TRIM65: variants seen among roughly 807,000 people sequenced by gnomAD.
TRIM65 encodes the protein E3 ubiquitin-protein ligase TRIM65.
TRIM65 carries 46 observed loss-of-function variants against 36.1 expected under a neutral mutation model. The observed-to-expected ratio is 1.27, with a 90% CI of 1.01 to 1.63. The LOEUF (loss-of-function observed/expected upper bound fraction) is 1.63, where lower values mean the gene tolerates loss of function less well. Among genes scored for constraint, TRIM65 ranks in the 40% most tolerant of loss-of-function variants. TRIM65 has a pLI of 0.00. For synonymous variants in TRIM65, 346 were observed against 313.6 expected (o/e 1.10, Z -1.09); for missense variants, 708 against 696.6 (o/e 1.02, Z -0.18).
At position 75,890,722 on chromosome 17, in the gene TRIM65, G is replaced by T; in HGVS notation, c.*57C>A. The T allele has an allele frequency of 7.2e-7, 1 of 1,386,700 alleles. No homozygotes were observed. The highest frequency in any genetic ancestry group is 9.5e-7 in the Non-Finnish European group (1 of 1,055,898). The allele number at this position is 1,386,700 out of a possible 1,614,324, so 85.9% of individuals were successfully genotyped here. On this transcript the variant is annotated 3_prime_UTR_variant, in exon 6 of 6. Transcript: ENST00000269383. Reference sequence around the variant, plus strand: ...CCAGTCCCCAAGCTGAAGCTGGGCAGCTCTTGGGCACATAGGCATGGTGGC... The same window carrying T: ...CCAGTCCCCAAGCTGAAGCTGGGCATCTCTTGGGCACATAGGCATGGTGGC...
At chr17:75,893,886 C>T (rs1023764217) in intron 1 of TRIM65, among the ~76,000 whole-genome samples, 2 of 152,110 alleles carry the variant, frequency 1.3e-5, no homozygotes, top group African/African-American at 2.4e-5. Flanking sequence ...ACATGGCCCT[C>T]ATCTACCGGC....
chr17:75,891,739 G>A, intron 5 of TRIM65, 74 bp downstream of exon 5: 3 of 1,003,980 alleles, frequency 3.0e-6, no homozygotes, highest in East Asian at 3.3e-5. Flanking sequence ...ACACACACAC[G>A]TGCTCACAGC....
intron 1 of TRIM65, among the ~76,000 whole-genome samples, chr17:75,894,198 C>G (rs2065313091): frequency 6.6e-6 from 1 of 152,136 alleles, no homozygotes; most frequent in African/African-American, 2.4e-5. Context: ...CGTGCACTCT[C>G]CCATCCCTCC....
chr17:75,886,757 G>T (rs1480806532), downstream of TRIM65, among the ~76,000 whole-genome samples: 1 of 152,032 alleles, frequency 6.6e-6, no homozygotes, highest in East Asian at 1.9e-4. Context: ...AATCTGTAAG[G>T]GGGTCTGGTG....
chr17:75,881,797 G>A (rs1324585620), intron 4 of TRIM65, among the ~76,000 whole-genome samples: 3 of 150,640 alleles, frequency 2.0e-5, no homozygotes, highest in South Asian at 2.1e-4. Context: ...GGACTCAGGC[G>A]GGCAGAGACT....
rs1415543840 is a variant in TRIM65, at chr17:75,896,786, C to G, written c.152G>C (p.Arg51Pro). ...CTCGGCGCCGTCGGGAAAGGGCTCC[C>G]GGCACTCGGGGCACGCCTTTCCGCA... ...DRCGKACPEC[R>P]EPFPDGAELR... Residue 51 changes from arginine to proline, a missense_variant, in exon 1 of 6, where the codon CGG (arginine) becomes CCG (proline). By Grantham distance (103) the Arg-to-Pro change is moderately radical. Coordinates refer to ENST00000269383, the MANE Select transcript of TRIM65 (RefSeq NM_173547.4). 10 of 1,502,198 alleles carry G rather than the reference C, an allele frequency of 6.7e-6. No homozygotes were observed. The highest frequency in any genetic ancestry group is 8.9e-6 in the Non-Finnish European group (10 of 1,129,402). 93.1% of individuals were successfully genotyped at this position (1,502,198 alleles called of 1,614,324 possible). A position where few individuals can be genotyped will look rare whatever the true frequency, so the allele number is the denominator to read the frequency against.
At position 75,891,225 on chromosome 17, in the gene TRIM65, G is replaced by A. The variant is rs762008402; in HGVS notation, c.1108C>T (p.Leu370Phe). ...CTCTGGGCACATTGCACCTGCCAGA[G>A]CTCAAAGCTGCCGGGCCCGCCTGGG... ...RGPGGPGSFE[L>F]WQVQCAQSFQ... Residue 370 changes from leucine to phenylalanine, a missense_variant, in exon 6 of 6, where the codon CTC becomes TTC. Coordinates refer to ENST00000269383, the MANE Select transcript of TRIM65 (RefSeq NM_173547.4). 1.2e-6 allele frequency: 2 copies of A among 1,612,648 alleles called. No individual in the cohort carries two copies. The highest frequency in any genetic ancestry group is 1.7e-4 in the Middle Eastern group (1 of 6,056).
chr17:75,892,634 C>T (rs912046869), intron 2 of TRIM65, 121 bp downstream of exon 2: 17 of 1,230,724 alleles, frequency 1.4e-5, no homozygotes, highest in Admixed American at 1.3e-4. Context: ...TCCCCAGGAC[C>T]CCTGTGCCCA....
intron 5 of TRIM65, 109 bp from the exon 6 acceptor site, chr17:75,891,456 A>G (rs2065265734): frequency 8.5e-7 from 1 of 1,177,806 alleles, no homozygotes; most frequent in Admixed American, 2.3e-5. Context: ...GGCCGTCACC[A>G]TAGCACTTAA....
At chr17:75,887,316 T>C (rs572365447), downstream of TRIM65, among the ~76,000 whole-genome samples, 1 of 151,588 alleles carries the variant, frequency 6.6e-6, no homozygotes, top group African/African-American at 2.4e-5. Flanking sequence ...AAACCATGAC[T>C]CTACTAAAAA....
At chr17:75,888,095 G>C (rs1013648166), downstream of TRIM65, among the ~76,000 whole-genome samples, 1 of 152,006 alleles carries the variant, frequency 6.6e-6, no homozygotes, top group Admixed American at 6.6e-5. Flanking sequence ...GGCAGAGCTT[G>C]CAGTGAGCCG....
downstream of TRIM65, among the ~76,000 whole-genome samples, chr17:75,886,796 C>G (rs1309588856): frequency 1.3e-5 from 2 of 152,158 alleles, no homozygotes; most frequent in African/African-American, 4.8e-5. Flanking sequence ...GAAACACCCA[C>G]AAGCTAATCA....
rs1466297094 is a variant in TRIM65, at chr17:75,889,647, G to A, written c.*1132C>T. The A allele has an allele frequency of 1.3e-5, 2 of 152,254 alleles. No homozygotes were observed. The highest frequency in any genetic ancestry group is 3.9e-4 in the East Asian group (2 of 5,170). 9.4% of individuals were successfully genotyped at this position (152,254 alleles called of 1,614,324 possible). A position where few individuals can be genotyped will look rare whatever the true frequency, so the allele number is the denominator to read the frequency against. ...ACGTGCTGCTTAGTGACAGGGTTGA[G>A]GGGCCTTAGTCGGCTTGACTCAAGG... On this transcript the variant is annotated 3_prime_UTR_variant, in exon 6 of 6. Transcript: ENST00000269383.
At chr17:75,896,259 G>C (rs978553723) in intron 1 of TRIM65, among the ~76,000 whole-genome samples, 6 of 152,300 alleles carry the variant, frequency 3.9e-5, no homozygotes, top group African/African-American at 1.4e-4. Flanking sequence ...GTTTCACCGT[G>C]TTAGCCAGGA....
At chr17:75,885,100 G>A (rs899557421), downstream of TRIM65, among the ~76,000 whole-genome samples, 2 of 151,930 alleles carry the variant, frequency 1.3e-5, no homozygotes, top group African/African-American at 4.8e-5. Flanking sequence ...GCTAATTTTT[G>A]TATTTTTAGT....
In TRIM65 at chr17:75,890,530, G is replaced by A; in HGVS notation, c.*249C>T. 1 of 415,504 alleles carries A rather than the reference G, an allele frequency of 2.4e-6. No homozygotes were observed. Among genetic ancestry groups the A allele is most frequent in the Non-Finnish European group, 4.2e-6 (1 of 236,742 alleles). 25.7% of individuals were successfully genotyped at this position (415,504 alleles called of 1,614,324 possible). On this transcript the variant is annotated 3_prime_UTR_variant, in exon 6 of 6. Transcript: ENST00000269383. Reference sequence around the variant, plus strand: ...GCACTGCTCTCGCCTCCCAGGCCCAGACAGTACCTAGAACTGGGTTCTCTC... The same window carrying A: ...GCACTGCTCTCGCCTCCCAGGCCCAAACAGTACCTAGAACTGGGTTCTCTC...
At chr17:75,884,163 A>G (rs1276724994), downstream of TRIM65, among the ~76,000 whole-genome samples, 1 of 151,960 alleles carries the variant, frequency 6.6e-6, no homozygotes, top group Non-Finnish European at 1.5e-5. Flanking sequence ...ATAGATAGAT[A>G]GTAAACAATT....
At chr17:75,884,441 A>T (rs1191307562), downstream of TRIM65, among the ~76,000 whole-genome samples, 1 of 152,030 alleles carries the variant, frequency 6.6e-6, no homozygotes, top group Non-Finnish European at 1.5e-5. Context: ...CCTGGGCAAC[A>T]AGAGCGAAAC....
chr17:75,883,462 G>A (rs983487813), intron 4 of TRIM65, among the ~76,000 whole-genome samples: 1 of 149,720 alleles, frequency 6.7e-6, no homozygotes, highest in Non-Finnish European at 1.5e-5. Context: ...TTGTTTTTTG[G>A]TTAAAAAGCT....
Sources: allele counts gnomAD v4.1 joint callset (sites outside exome capture counted in the v4.1 genomes callset), GRCh38; gene constraint gnomAD v4.1.1; transcripts MANE v1.5; gene names NCBI Gene and HGNC (gene_info 2026-07-23, HGNC 2026-07-21).